The following MEIS3 variants were observed in gnomAD, a reference collection of about 807,000 sequenced individuals.
MEIS3 encodes homeobox protein Meis3.
A neutral mutation model predicts 51.4 loss-of-function variants in MEIS3; 38 were observed. That is an observed-to-expected ratio of 0.74 (90% CI 0.57 to 0.97). MEIS3 has a LOEUF of 0.97. MEIS3 is among the 50% of genes least tolerant of loss of function. The pLI, the probability that MEIS3 is intolerant of heterozygous loss-of-function variation, is 0.00. For missense variants in MEIS3, 456 were observed against 502.6 expected (o/e 0.91, Z 0.89); for synonymous variants, 198 against 201.8 (o/e 0.98, Z 0.16).
At chr19:47,411,546 T>TC (rs1433322397) in intron 6 of MEIS3, among the ~76,000 whole-genome samples, 1 of 150,844 alleles carries the variant, frequency 6.6e-6, no homozygotes, top group Non-Finnish European at 1.5e-5. Context: ...TCTTTTCTTT[T>TC]TTTTTTTTTT....
At chr19:47,413,195 G>C (rs1599816237) in intron 6 of MEIS3, among the ~76,000 whole-genome samples, 1 of 151,434 alleles carries the variant, frequency 6.6e-6, no homozygotes, top group South Asian at 2.1e-4. Flanking sequence ...TCAGGAGTTC[G>C]AGGCCAGCCT....
chr19:47,406,272 AGGATGGAT>A (rs140024451), intron 12 of MEIS3, 180 bp downstream of exon 12: 22 of 513,646 alleles, frequency 4.3e-5, no homozygotes, highest in African/African-American at 2.0e-4. Flanking sequence ...ATGGAGGAGG[AGGATGGAT>A]GGATGGATGG....
chr19:47,415,019 A>C, intron 5 of MEIS3, 32 bp downstream of exon 5: 2 of 1,480,128 alleles, frequency 1.4e-6, no homozygotes, highest in Non-Finnish European at 1.8e-6. Context: ...GACAGGGGCA[A>C]GTGAGGGTGT....
chr19:47,406,928 GC>G lies in MEIS3; in HGVS notation c.1037del (p.Gly346AlafsTer19). 6.3e-7 allele frequency: 1 copy of G among 1,579,220 alleles called. No homozygotes were observed. The highest frequency in any genetic ancestry group is 8.6e-7 in the Non-Finnish European group (1 of 1,164,256). On this transcript the variant is annotated frameshift_variant, in exon 11 of 13. Transcript: ENST00000558555. LOFTEE classifies it high-confidence loss of function. Reference protein sequence around the residue: ...AFSPEGQPIGGYTETQPHVAV... With the variant: ...AFSPEGQPIGXYTETQPHVAV... Reference sequence around the variant, plus strand: ...CCACGTGTGGCTGCGTCTCGGTATAGCCCCCGATGGGCTGGCCCTCTGGGCT... The same window carrying G: ...CCACGTGTGGCTGCGTCTCGGTATAGCCCCGATGGGCTGGCCCTCTGGGCT...
chr19:47,406,185 T>C (rs1970807502), intron 12 of MEIS3: 2 of 339,496 alleles, frequency 5.9e-6, no homozygotes, highest in Non-Finnish European at 1.1e-5. Flanking sequence ...GATGGATGGA[T>C]TGCGGGTGAA....
intron 1 of MEIS3, chr19:47,417,849 CA>C: frequency 1.6e-6 from 1 of 610,646 alleles, no homozygotes. Context: ...GTGAATCTAC[CA>C]CACATGTAGA....
rs1239065373 is a variant in MEIS3 at position 47,414,713 on chromosome 19, C to G, written c.597+4G>C. 5.0e-6 allele frequency: 8 copies of G among 1,591,662 alleles called. No homozygotes were observed. The highest frequency in any genetic ancestry group is 1.3e-5 in the African/African-American group (1 of 74,520). Reference sequence around the variant, plus strand: ...ACGATGCCTGGTGCCCGTCCCGGGCCCACCTGGTCTGGGAGGCTGGGGCAG... The same window carrying G: ...ACGATGCCTGGTGCCCGTCCCGGGCGCACCTGGTCTGGGAGGCTGGGGCAG... On this transcript the variant is annotated splice_donor_region_variant and intron_variant, in intron 6 of 12. Transcript: ENST00000558555.
At chr19:47,413,384 C>G (rs1293551783) in intron 6 of MEIS3, among the ~76,000 whole-genome samples, 1 of 148,558 alleles carries the variant, frequency 6.7e-6, no homozygotes, top group Admixed American at 6.7e-5. Context: ...GGTGACAAAA[C>G]AAGACTCCAT....
rs1398170181 is a variant in MEIS3, at chr19:47,416,916, A to G, written c.233T>C (p.Leu78Pro). Reference sequence around the variant, plus strand: ...CCCGTCACGGGGAGAGCATGTAGCCAGTTCACATTTCTCAAAGACCAGGGC... The same window carrying G: ...CCCGTCACGGGGAGAGCATGTAGCCGGTTCACATTTCTCAAAGACCAGGGC... ...LLALVFEKCE[L>P]ATCSPRDGAG... Residue 78 changes from leucine to proline, a missense_variant, in exon 3 of 13, where the codon CTG (leucine) becomes CCG (proline). Physicochemically the swap from Leu to Pro is moderately conservative, Grantham distance 98. Coordinates refer to ENST00000558555, the MANE Select transcript of MEIS3 (RefSeq NM_001301059.2). 3 of 1,611,100 alleles carry G rather than the reference A, an allele frequency of 1.9e-6. No individual in the cohort carries two copies. In the African/African-American group the frequency reaches 4.0e-5, roughly 22 times the overall value.
intron 8 of MEIS3, 138 bp downstream of exon 8, chr19:47,408,961 C>G (rs1470589568): frequency 1.0e-6 from 1 of 967,502 alleles, no homozygotes; most frequent in Admixed American, 2.1e-5. Context: ...TGTCACAATT[C>G]TCCACCTCCA....
chr19:47,407,334 C>G lies in MEIS3; in HGVS notation c.935+18G>C. On this transcript the variant is annotated intron_variant, in intron 9 of 12. Transcript: ENST00000558555. Reference sequence around the variant, plus strand: ...CTCTCGCCCCGGGCCGGCCCGCGGGCCCTCCTGGGCCACTCACCAGTTGTT... The same window carrying G: ...CTCTCGCCCCGGGCCGGCCCGCGGGGCCTCCTGGGCCACTCACCAGTTGTT... 1.2e-6 allele frequency: 2 copies of G among 1,606,226 alleles called. No individual in the cohort carries two copies. The highest frequency in any genetic ancestry group is 4.5e-5 in the East Asian group (2 of 44,214).
upstream of MEIS3, among the ~76,000 whole-genome samples, chr19:47,420,193 G>A (rs979432594): frequency 1.3e-5 from 2 of 152,200 alleles, no homozygotes; most frequent in African/African-American, 4.8e-5. Context: ...TAGGGGTTTT[G>A]GAGCAGAAAA....
chr19:47,416,724 G>C, intron 3 of MEIS3, 22 bp from the exon 4 acceptor site: 1 of 1,604,944 alleles, frequency 6.2e-7, no homozygotes, highest in South Asian at 1.1e-5. Context: ...GAGAGAGGCC[G>C]GCAGGGGGAT....
chr19:47,417,750 G>C (rs1350247556), intron 1 of MEIS3: 1 of 666,364 alleles, frequency 1.5e-6, no homozygotes, highest in African/African-American at 1.8e-5. Flanking sequence ...GTACACATAC[G>C]AAGCCTCCCT....
At chr19:47,405,441 C>T (rs116431333) in intron 12 of MEIS3, among the ~76,000 whole-genome samples, 413 of 152,222 alleles carry the variant, frequency 2.7e-3, no homozygotes, top group African/African-American at 9.5e-3. Context: ...GGGGAAACTA[C>T]GTTTTATTGT....
rs113970905 is a variant in MEIS3 at position 47,411,059 on chromosome 19, C to T, written c.598-1512G>A. On this transcript the variant is annotated intron_variant, in intron 6 of 12. Transcript: ENST00000558555. ...TCACGTGATTCTCATGCCTCAGTCTCCCGAGTAGCTGGGATTACAGGTGCC... is the reference window on the plus strand; with the variant it reads ...TCACGTGATTCTCATGCCTCAGTCTTCCGAGTAGCTGGGATTACAGGTGCC... Among the ~76,000 whole-genome samples, 1,174 of 152,166 alleles carry T rather than the reference C, an allele frequency of 7.7e-3. 17 individuals are homozygous for T. The highest frequency in any genetic ancestry group is 0.027 in the African/African-American group (1,111 of 41,500).
At chr19:47,418,144 C>CGTCCT (rs1436402209) in intron 1 of MEIS3, 1 of 165,394 alleles carries the variant, frequency 6.0e-6, no homozygotes, top group Non-Finnish European at 1.3e-5. Flanking sequence ...AGGACGACCG[C>CGTCCT]GTCCTGTCGT....
At chr19:47,412,319 T>A (rs1599814169) in intron 6 of MEIS3, 1 of 152,224 alleles carries the variant, frequency 6.6e-6, no homozygotes, top group African/African-American at 2.4e-5. Flanking sequence ...AACTGTATTC[T>A]TCTACCAAAA....
rs1970672280 is a variant in MEIS3 at position 47,403,317 on chromosome 19, A to G, written c.*254T>C. The G allele has an allele frequency of 4.7e-6, 2 of 423,690 alleles. No individual in the cohort carries two copies. The highest frequency in any genetic ancestry group is 7.8e-4 in the Middle Eastern group (1 of 1,286). The allele number at this position is 423,690 out of a possible 1,614,324, so 26.2% of individuals were successfully genotyped here. A position where few individuals can be genotyped will look rare whatever the true frequency, so the allele number is the denominator to read the frequency against. The stretch of plus-strand genomic sequence containing the variant: ...CGCCATCTTCTGGGGACCAAGGCCC[A>G]GGAGCCCAGCTCGGGTCCCAGGCAG... On this transcript the variant is annotated 3_prime_UTR_variant, in exon 13 of 13. Transcript: ENST00000558555.
Sources: allele counts gnomAD v4.1 joint callset (sites outside exome capture counted in the v4.1 genomes callset), GRCh38; gene constraint gnomAD v4.1.1; transcripts MANE v1.5; gene names NCBI Gene and HGNC (gene_info 2026-07-23, HGNC 2026-07-21).